Variants in HECW2 observed in about 807,000 individuals in gnomAD.
HECW2 encodes the protein E3 ubiquitin-protein ligase HECW2.
Under a neutral mutation model 175.2 loss-of-function variants are expected in HECW2, and 61 were observed. The ratio of observed to expected loss-of-function variants is 0.35; its 90% CI spans 0.28 to 0.43. HECW2 has a LOEUF of 0.43. Among genes scored for constraint, HECW2 ranks in the 20% least tolerant of loss-of-function variants. The pLI, the probability that HECW2 is intolerant of heterozygous loss-of-function variation, is 1.00. For synonymous variants in HECW2, 671 were observed against 731.0 expected (o/e 0.92, Z 1.32); for missense variants, 1,524 against 2,000.5 (o/e 0.76, Z 4.54).
chr2:196,575,272 G>C (rs570005509), intron 1 of HECW2, among the ~76,000 whole-genome samples: 74 of 152,026 alleles, frequency 4.9e-4, no homozygotes, highest in African/African-American at 1.7e-3. Flanking sequence ...GACAATATTG[G>C]CAAGAATTTG....
intron 17 of HECW2, among the ~76,000 whole-genome samples, chr2:196,260,857 T>A (rs1489826974): frequency 6.6e-6 from 1 of 152,236 alleles, no homozygotes; most frequent in African/African-American, 2.4e-5. Flanking sequence ...GAAATTTGCA[T>A]ACATAAGCTC....
intron 1 of HECW2, among the ~76,000 whole-genome samples, chr2:196,540,869 TGG>T (rs1689188235): frequency 6.6e-6 from 1 of 152,182 alleles, no homozygotes; most frequent in Non-Finnish European, 1.5e-5. Context: ...TACAAAGAAA[TGG>T]CTGTTCCTCC....
chr2:196,501,608 G>A (rs1034548882), intron 1 of HECW2, among the ~76,000 whole-genome samples: 5 of 151,928 alleles, frequency 3.3e-5, no homozygotes, highest in Non-Finnish European at 5.9e-5. Flanking sequence ...AAAAGCCTAA[G>A]TTCTCCATGT....
At chr2:196,429,513 A>G (rs1239692842) in intron 2 of HECW2, among the ~76,000 whole-genome samples, 2 of 142,890 alleles carry the variant, frequency 1.4e-5, no homozygotes, top group Admixed American at 1.4e-4. Flanking sequence ...ATCAAATTAT[A>G]AAGGAACTTC....
chr2:196,521,282 C>CAAAAAAAAAA (rs1158051512), intron 1 of HECW2, among the ~76,000 whole-genome samples: 670 of 52,554 alleles, frequency 0.013, no homozygotes, highest in East Asian at 0.023. Flanking sequence ...ACGTGAGTAA[C>CAAAAAAAAAA]AAAAAAAAAA....
chr2:196,479,036 G>C (rs943098129), intron 1 of HECW2, among the ~76,000 whole-genome samples: 5 of 152,186 alleles, frequency 3.3e-5, no homozygotes, highest in Admixed American at 3.3e-4. Context: ...TAGAGCATCA[G>C]CTCACTCCAC....
chr2:196,257,746 ATAT>A, intron 18 of HECW2, 74 bp downstream of exon 18: 2 of 1,005,968 alleles, frequency 2.0e-6, no homozygotes, highest in Non-Finnish European at 3.1e-6. Context: ...GAATATTGGC[ATAT>A]TATTTTCTAC....
chr2:196,490,136 T>C lies in HECW2; in HGVS notation c.-35-56678A>G, dbSNP rs114946593. Among the ~76,000 whole-genome samples the C allele has an allele frequency of 2.7e-3, 414 of 152,258 alleles. 2 individuals carry two copies. Among genetic ancestry groups the C allele is most frequent in the African/African-American group, 9.2e-3 (381 of 41,542 alleles). On this transcript the variant is annotated intron_variant, in intron 1 of 28. Transcript: ENST00000644978. ...CTCAAAAAACAACAGAGGTGCCCAA[T>C]TGCCCGGCAAACTCCATTTGCCCTC...
intron 2 of HECW2, among the ~76,000 whole-genome samples, chr2:196,358,650 C>CT (rs1467533216): frequency 7.1e-6 from 1 of 141,542 alleles, no homozygotes; most frequent in African/African-American, 2.6e-5. Flanking sequence ...TTAAAGGGAG[C>CT]TATGTTTTCA....
Position 196,571,146 on chromosome 2 carries a change from A to G in HECW2, c.-36+22362T>C, listed in dbSNP as rs142623034. On this transcript the variant is annotated intron_variant, in intron 1 of 28. Coordinates refer to ENST00000644978, the MANE Select transcript of HECW2 (RefSeq NM_001348768.2). The stretch of plus-strand genomic sequence containing the variant: ...TATACTCTTCCTTTACACAAAAATA[A>G]TAACAAAGCACAGCAGTTTAAGGAT... 2.6e-3 allele frequency among the ~76,000 whole-genome samples: 396 copies of G among 152,368 alleles called. 2 individuals are homozygous for G. Among genetic ancestry groups the G allele is most frequent in the African/African-American group, 8.9e-3 (368 of 41,574 alleles).
At chr2:196,238,570 A>G (rs1260922910) in intron 21 of HECW2, 2 of 152,134 alleles carry the variant, frequency 1.3e-5, no homozygotes, top group Non-Finnish European at 2.9e-5. Context: ...ATATCTAATA[A>G]TTTATGATAC....
chr2:196,313,867 C>A (rs1691592686), intron 10 of HECW2, among the ~76,000 whole-genome samples: 1 of 152,096 alleles, frequency 6.6e-6, no homozygotes, highest in South Asian at 2.1e-4. Flanking sequence ...GCCCTGGCAA[C>A]ATAGTTAGAC....
At chr2:196,588,311 A>T (rs1691061084) in intron 1 of HECW2, among the ~76,000 whole-genome samples, 1 of 152,250 alleles carries the variant, frequency 6.6e-6, no homozygotes. Context: ...TGAATGAACA[A>T]ATAAATGAAT....
chr2:196,433,142 A>G lies in HECW2; in HGVS notation c.282T>C (p.Leu94=), dbSNP rs1486768870. The change falls in exon 2 of 29, where the codon CTT becomes CTC. Residue 94 remains leucine, a synonymous_variant. Coordinates refer to ENST00000644978, the MANE Select transcript of HECW2 (RefSeq NM_001348768.2). Reference sequence around the variant, plus strand: ...TTCCACTTGACTCACCTATATGATAAAGTCCAATCCAATCACTGGGGTCCA... The same window carrying G: ...TTCCACTTGACTCACCTATATGATAGAGTCCAATCCAATCACTGGGGTCCA... ...EEVDPSDWIG[L]YHIDENSPAN... is the part of the protein sequence containing the mutation. 6.2e-7 allele frequency: 1 copy of G among 1,610,316 alleles called. No individual in the cohort carries two copies.
intron 26 of HECW2, 138 bp from the exon 27 acceptor site, chr2:196,217,231 G>T: frequency 1.7e-6 from 1 of 600,670 alleles, no homozygotes; most frequent in Admixed American, 3.4e-5. Flanking sequence ...TAAGACTAAG[G>T]AATAACACTG....
intron 2 of HECW2, among the ~76,000 whole-genome samples, chr2:196,390,060 A>C (rs1017641301): frequency 6.6e-6 from 1 of 152,212 alleles, no homozygotes; most frequent in African/African-American, 2.4e-5. Flanking sequence ...TCTCAATGTT[A>C]GATATGGCAT....
chr2:196,486,898 C>A (rs1687024364), intron 1 of HECW2, among the ~76,000 whole-genome samples: 1 of 152,108 alleles, frequency 6.6e-6, no homozygotes, highest in Admixed American at 6.6e-5. Flanking sequence ...TAATGGAAAG[C>A]CGAGGCAGGA....
At chr2:196,541,613 G>C (rs1035334917) in intron 1 of HECW2, among the ~76,000 whole-genome samples, 1 of 152,106 alleles carries the variant, frequency 6.6e-6, no homozygotes, top group Non-Finnish European at 1.5e-5. Context: ...TCAAAGAGAA[G>C]ACCTCAGTTT....
In HECW2 at chr2:196,557,605, T is replaced by C. The variant is rs1348949616; in HGVS notation, c.-36+35903A>G. Among the ~76,000 whole-genome samples the C allele has an allele frequency of 4.6e-5, 7 of 152,036 alleles. No individual in the cohort carries two copies. In the South Asian group the frequency reaches 1.5e-3, roughly 32 times the overall value. On this transcript the variant is annotated intron_variant, in intron 1 of 28. Transcript: ENST00000644978. The stretch of plus-strand genomic sequence containing the variant: ...TCACTGGAGAGCTCCTAATAACTAA[T>C]GAAAGACTGAAAACACAAATATCTA...
Sources: allele counts gnomAD v4.1 joint callset (sites outside exome capture counted in the v4.1 genomes callset), GRCh38; gene constraint gnomAD v4.1.1; transcripts MANE v1.5; gene names NCBI Gene and HGNC (gene_info 2026-07-23, HGNC 2026-07-21).